The following NAV2 variants were observed in gnomAD, a reference collection of about 807,000 sequenced individuals.
NAV2 encodes the protein helicase, APC down-regulated 1.
NAV2 carries 54 observed loss-of-function variants against 223.2 expected under a neutral mutation model. That is an observed-to-expected ratio of 0.24 (90% CI 0.19 to 0.30). The LOEUF (loss-of-function observed/expected upper bound fraction) is 0.30. Among genes scored for constraint, NAV2 ranks in the 10% least tolerant of loss-of-function variants. The pLI, the probability that NAV2 is intolerant of heterozygous loss-of-function variation, is 1.00. For missense variants in NAV2, 2,806 were observed against 3,147.5 expected (o/e 0.89, Z 2.60); for synonymous variants, 1,279 against 1,239.3 (o/e 1.03, Z -0.67).
intron 1 of NAV2, among the ~76,000 whole-genome samples, chr11:19,772,039 C>G (rs531944189): frequency 1.4e-4 from 21 of 152,308 alleles, no homozygotes; most frequent in African/African-American, 4.8e-4. Flanking sequence ...GGAGTCCTTT[C>G]TTCTCTAGGA....
At chr11:19,460,092 C>A (rs114160886) in intron 1 of NAV2, among the ~76,000 whole-genome samples, 1 of 152,168 alleles carries the variant, frequency 6.6e-6, no homozygotes, top group Non-Finnish European at 1.5e-5. Context: ...GGGATAATAA[C>A]CTGAAAGGAA....
intron 1 of NAV2, among the ~76,000 whole-genome samples, chr11:19,385,753 C>CTTTTTTTTTTTTTTTTTTTTTTT (rs201669772): frequency 4.4e-5 from 5 of 112,780 alleles, no homozygotes; most frequent in Non-Finnish European, 5.3e-5. Flanking sequence ...AATATAGCTC[C>CTTTTTTTTTTTTTTTTTTTTTTT]TTTTTTTTTT....
At chr11:20,074,629 C>T (rs1360040864) in intron 22 of NAV2, among the ~76,000 whole-genome samples, 1 of 152,108 alleles carries the variant, frequency 6.6e-6, no homozygotes, top group Non-Finnish European at 1.5e-5. Context: ...GTTTTGGGTG[C>T]ATATATATTT....
At chr11:20,033,780 T>C (rs1591758763) in intron 11 of NAV2, among the ~76,000 whole-genome samples, 1 of 151,982 alleles carries the variant, frequency 6.6e-6, no homozygotes, top group Non-Finnish European at 1.5e-5. Context: ...TACAGGCAGG[T>C]ATCTTCCAAG....
In NAV2 at chr11:20,044,116, G is replaced by A; in HGVS notation, c.3043G>A (p.Val1015Met). The change falls in exon 13 of 38, where the codon GTG becomes ATG. Residue 1015 changes from valine to methionine, a missense_variant. Coordinates refer to ENST00000349880, the MANE Select transcript of NAV2 (RefSeq NM_145117.5). ...CAAGTGGAGGCGGAATCCTTCTGAT[G>A]TGTCTGACGAGTCCGACAAAAGCAC... ...GSKWRRNPSD[V>M]SDESDKSTSG... 1.9e-6 allele frequency: 3 copies of A among 1,614,228 alleles called. No homozygotes were observed. The highest frequency in any genetic ancestry group is 2.5e-6 in the Non-Finnish European group (3 of 1,180,032).
intron 1 of NAV2, among the ~76,000 whole-genome samples, chr11:19,751,889 C>T (rs76566553): frequency 0.034 from 5,217 of 152,170 alleles, 291 homozygotes; most frequent in African/African-American, 0.11. Flanking sequence ...CTTTCTTAGA[C>T]TTGACCCAGG....
intron 1 of NAV2, among the ~76,000 whole-genome samples, chr11:19,434,109 C>CAA (rs34790501): frequency 6.8e-6 from 1 of 146,868 alleles, no homozygotes; most frequent in South Asian, 2.2e-4. Flanking sequence ...GAAAATGAGC[C>CAA]AAAAAAAAAA....
rs183615096 is a variant in NAV2 at position 19,391,087 on chromosome 11, T to C, written c.75+40060T>C. Among the ~76,000 whole-genome samples the C allele has an allele frequency of 1.3e-4, 20 of 152,294 alleles. No homozygotes were observed. The East Asian group carries it at 3.5e-3, about 26-fold the overall frequency. Reference sequence around the variant, plus strand: ...AGTAAATGAGGGGCCCAGCATTTCATGGGAGTCACCGTACCCCAAAGCTTT... The same window carrying C: ...AGTAAATGAGGGGCCCAGCATTTCACGGGAGTCACCGTACCCCAAAGCTTT... On this transcript the variant is annotated intron_variant, in intron 1 of 37. Transcript: ENST00000360655.
At chr11:19,703,562 T>C (rs887940300) in intron 1 of NAV2, among the ~76,000 whole-genome samples, 45 of 152,318 alleles carry the variant, frequency 3.0e-4, no homozygotes, top group African/African-American at 9.1e-4. Context: ...TGAGGCGGCA[T>C]TGGGGGGATT....
chr11:19,454,250 T>C (rs1851886083), intron 1 of NAV2, among the ~76,000 whole-genome samples: 1 of 152,184 alleles, frequency 6.6e-6, no homozygotes, highest in Non-Finnish European at 1.5e-5. Context: ...GTTTTGATGA[T>C]ACTGGGGCCT....
intron 11 of NAV2, among the ~76,000 whole-genome samples, chr11:20,018,313 C>T (rs913060652): frequency 1.5e-5 from 2 of 133,396 alleles, no homozygotes; most frequent in Non-Finnish European, 3.1e-5. Flanking sequence ...GAGATCGGCC[C>T]ACTGCACTCC....
chr11:19,714,388 C>G (rs1423439264), intron 1 of NAV2: 1 of 466,022 alleles, frequency 2.1e-6, no homozygotes, highest in South Asian at 1.5e-5. Context: ...ATCTAAGGCC[C>G]CATTGGGTTC....
At chr11:19,526,025 T>C (rs2043833440) in intron 1 of NAV2, among the ~76,000 whole-genome samples, 1 of 152,144 alleles carries the variant, frequency 6.6e-6, no homozygotes. Flanking sequence ...GTGGGCATTG[T>C]GAAATGTTGC....
At chr11:19,766,130 T>C (rs1170167548) in intron 1 of NAV2, among the ~76,000 whole-genome samples, 1 of 151,910 alleles carries the variant, frequency 6.6e-6, no homozygotes, top group Non-Finnish European at 1.5e-5. Context: ...TTATATAATA[T>C]ATAATTAATA....
intron 1 of NAV2, chr11:19,777,563 T>C (rs985403145): frequency 1.3e-5 from 6 of 454,328 alleles, no homozygotes; most frequent in Non-Finnish European, 2.7e-5. Context: ...TGCTCTACTT[T>C]TTAACCCCCC....
chr11:19,886,544 T>A (rs866519734), intron 5 of NAV2, among the ~76,000 whole-genome samples: 1 of 152,212 alleles, frequency 6.6e-6, no homozygotes, highest in Non-Finnish European at 1.5e-5. Context: ...CCCTTCTCAG[T>A]TAGGTTGAAT....
chr11:19,715,299 A>G (rs1294578990), intron 1 of NAV2, among the ~76,000 whole-genome samples: 1 of 152,118 alleles, frequency 6.6e-6, no homozygotes, highest in Non-Finnish European at 1.5e-5. Flanking sequence ...GGAAGGCAAG[A>G]TTTCCTCCAG....
intron 10 of NAV2, among the ~76,000 whole-genome samples, chr11:19,959,828 C>A (rs2048200507): frequency 6.6e-6 from 1 of 152,162 alleles, no homozygotes; most frequent in Non-Finnish European, 1.5e-5. Context: ...GCGAGAGAAG[C>A]CCGCTGTGAC....
chr11:19,584,492 T>C (rs1172352170), intron 1 of NAV2, among the ~76,000 whole-genome samples: 2 of 152,264 alleles, frequency 1.3e-5, no homozygotes, highest in African/African-American at 4.8e-5. Context: ...TTTAGATCTT[T>C]CCTGTTTTCT....
Sources: gnomAD v4.1 joint callset for allele counts (sites outside exome capture counted in the v4.1 genomes callset) on GRCh38, gnomAD v4.1.1 for gene constraint, MANE v1.5 for transcripts, NCBI Gene and HGNC (gene_info 2026-07-23, HGNC 2026-07-21) for gene names.